Variants in SPATA7 observed in about 807,000 individuals in gnomAD.
SPATA7 encodes the protein spermatogenesis-associated protein 7.
Under a neutral mutation model 51.8 loss-of-function variants are expected in SPATA7, and 43 were observed. The ratio of observed to expected loss-of-function variants is 0.83; its 90% CI spans 0.65 to 1.07. SPATA7 has a LOEUF of 1.07. Ranked by LOEUF, SPATA7 falls within the 50% of genes least tolerant of loss-of-function variation. The pLI is 0.00. For synonymous variants in SPATA7, 230 were observed against 252.8 expected (o/e 0.91, Z 0.86); for missense variants, 683 against 701.3 (o/e 0.97, Z 0.30).
Position 88,446,459 on chromosome 14 carries a change from A to G in SPATA7, c.177+8556A>G, listed in dbSNP as rs558118500. On this transcript the variant is annotated intron_variant, in intron 3 of 3. Transcript: ENST00000554802. The stretch of plus-strand genomic sequence containing the variant: ...GCTCCTGGATTAATTAATTTTTTGA[A>G]GGGTTTTTTGTGTCTCTATTTCCTT... Among the ~76,000 whole-genome samples the G allele has an allele frequency of 5.9e-3, 894 of 152,156 alleles. 14 individuals carry two copies. The highest frequency in any genetic ancestry group is 0.021 in the African/African-American group (858 of 41,498).
chr14:88,446,393 G>C (rs906153496), intron 3 of SPATA7, among the ~76,000 whole-genome samples: 1 of 151,890 alleles, frequency 6.6e-6, no homozygotes, highest in African/African-American at 2.4e-5. Flanking sequence ...TATTAGTCTT[G>C]CTAGCAGTCT....
At chr14:88,460,610 C>G (rs2077311046) in intron 4 of SPATA7, among the ~76,000 whole-genome samples, 1 of 152,174 alleles carries the variant, frequency 6.6e-6, no homozygotes, top group Admixed American at 6.5e-5. Flanking sequence ...CGCCATTCAT[C>G]TAATCTTTTT....
chr14:88,447,583 T>C (rs1478330674), intron 3 of SPATA7, among the ~76,000 whole-genome samples: 3 of 152,180 alleles, frequency 2.0e-5, no homozygotes, highest in African/African-American at 4.8e-5. Flanking sequence ...GTAGTCTCGA[T>C]GGTCTTTACA....
chr14:88,421,715 C>A (rs944023391), intron 5 of SPATA7, among the ~76,000 whole-genome samples: 10 of 152,156 alleles, frequency 6.6e-5, no homozygotes, highest in African/African-American at 2.4e-4. Flanking sequence ...CTTTGGGAGG[C>A]TGAGGCGGGC....
chr14:88,386,099 T>C (rs1305904404), intron 1 of SPATA7: 2 of 1,341,402 alleles, frequency 1.5e-6, no homozygotes, highest in Admixed American at 5.8e-5. Context: ...CTCAGGGTCG[T>C]GCAGCCTTTA....
chr14:88,455,282 A>C, exon 4 of SPATA7: 1 of 322,294 alleles, frequency 3.1e-6, no homozygotes, highest in East Asian at 7.7e-5. Context: ...CTAACTCTTA[A>C]AGTGATTGAT....
intron 3 of SPATA7, among the ~76,000 whole-genome samples, chr14:88,453,285 C>T (rs2077264244): frequency 6.6e-6 from 1 of 152,158 alleles, no homozygotes; most frequent in African/African-American, 2.4e-5. Context: ...TCTTTATACT[C>T]AGAAAGTTCA....
intron 4 of SPATA7, among the ~76,000 whole-genome samples, chr14:88,406,303 T>C (rs1300114184): frequency 6.6e-6 from 1 of 152,080 alleles, no homozygotes; most frequent in Non-Finnish European, 1.5e-5. Context: ...ACTGATTTTT[T>C]ACTAAATTTA....
At chr14:88,459,788 T>A (rs530501034), downstream of SPATA7, among the ~76,000 whole-genome samples, 4 of 152,226 alleles carry the variant, frequency 2.6e-5, no homozygotes, top group Non-Finnish European at 5.9e-5. Context: ...GCTCATTAGT[T>A]GATGCAGTTT....
chr14:88,469,021 G>C lies in SPATA7; in HGVS notation c.255-826G>C. ...CCAACAACGGAGGGTTGGGGCTTTG[G>C]GGATCACTTGTGCTATTTGTATGGC... On this transcript the variant is annotated intron_variant, in intron 4 of 4. Coordinates refer to the SPATA7 transcript ENST00000556406. This position sits in a 1 kb window ranked among gnomAD's most constrained non-coding sequence, Gnocchi z 4.3. The C allele has an allele frequency of 6.2e-7, 1 of 1,614,114 alleles. No individual in the cohort carries two copies.
intron 1 of SPATA7, among the ~76,000 whole-genome samples, chr14:88,389,195 C>T (rs1267149974): frequency 6.6e-6 from 1 of 151,722 alleles, no homozygotes; most frequent in Non-Finnish European, 1.5e-5. Context: ...TTATTTCTCC[C>T]CTCAATTCTG....
chr14:88,408,006 T>C (rs2076242999), intron 4 of SPATA7, among the ~76,000 whole-genome samples: 2 of 152,224 alleles, frequency 1.3e-5, no homozygotes, highest in Non-Finnish European at 2.9e-5. Context: ...TTTTGGTTAC[T>C]GTAGCCTTGC....
At chr14:88,456,762 C>A (rs1427673828), downstream of SPATA7, among the ~76,000 whole-genome samples, 2 of 152,072 alleles carry the variant, frequency 1.3e-5, no homozygotes, top group Non-Finnish European at 2.9e-5. Context: ...GCTTTTGTTG[C>A]CATTGCTTTT....
At chr14:88,399,155 A>G (rs1246087753) in intron 4 of SPATA7, among the ~76,000 whole-genome samples, 1 of 152,178 alleles carries the variant, frequency 6.6e-6, no homozygotes, top group Non-Finnish European at 1.5e-5. Flanking sequence ...TTTGGGTGCA[A>G]TCTAGGAAAG....
At chr14:88,437,668 TTCAAACAATACATTAA>T in intron 11 of SPATA7, 71 bp downstream of exon 11, 1 of 1,405,892 alleles carries the variant, frequency 7.1e-7, no homozygotes, top group Admixed American at 1.9e-5. Context: ...TTTTCATACC[TTCAAACAATACATTAA>T]AAGCAAGTGC....
chr14:88,385,989 C>A, intron 1 of SPATA7, 152 bp downstream of exon 1: 1 of 1,503,250 alleles, frequency 6.7e-7, no homozygotes, highest in Non-Finnish European at 8.9e-7. Context: ...GCTGCCCAGG[C>A]CTGCGCAAAG....
intron 9 of SPATA7, 67 bp downstream of exon 9, chr14:88,431,292 T>C (rs2076934413): frequency 7.0e-7 from 1 of 1,422,616 alleles, no homozygotes; most frequent in Non-Finnish European, 9.9e-7. Context: ...AGAAACCATA[T>C]TAAATAAGTC....
intron 3 of SPATA7, among the ~76,000 whole-genome samples, chr14:88,443,640 G>A (rs1280474056): frequency 3.9e-5 from 4 of 102,796 alleles, no homozygotes; most frequent in Admixed American, 2.1e-4. Flanking sequence ...CCGACCCCAC[G>A]ACCCCACAAC....
At chr14:88,402,607 A>G (rs958654339) in intron 4 of SPATA7, among the ~76,000 whole-genome samples, 5 of 152,154 alleles carry the variant, frequency 3.3e-5, no homozygotes, top group African/African-American at 1.2e-4. Context: ...AAGGATGAAA[A>G]TGGACTCTTA....
Sources: allele counts gnomAD v4.1 joint callset (sites outside exome capture counted in the v4.1 genomes callset), GRCh38; gene constraint gnomAD v4.1.1; non-coding constraint Gnocchi (gnomAD v3.1); transcripts MANE v1.5; gene names NCBI Gene and HGNC (gene_info 2026-07-23, HGNC 2026-07-21).